The following SEZ6L2 variants were observed in gnomAD, a reference collection of about 807,000 sequenced individuals.
SEZ6L2 encodes the protein seizure 6-like protein 2.
A neutral mutation model predicts 97.0 loss-of-function variants in SEZ6L2; 44 were observed. The observed-to-expected ratio is 0.45, with a 90% CI of 0.36 to 0.58. SEZ6L2 has a LOEUF of 0.58. Ranked by LOEUF, SEZ6L2 falls within the 20% of genes least tolerant of loss-of-function variation. The probability of loss-of-function intolerance (pLI) is 0.00; values close to 1 mark genes in which losing one functional copy is unlikely to be tolerated. For missense variants in SEZ6L2, 1,086 were observed against 1,233.3 expected (o/e 0.88, Z 1.79); for synonymous variants, 543 against 546.1 (o/e 0.99, Z 0.08).
rs1361109526 is a variant in SEZ6L2, at chr16:29,895,798, G to T, written c.574C>A (p.Pro192Thr). 6.2e-7 allele frequency: 1 copy of T among 1,613,958 alleles called. No homozygotes were observed. Among genetic ancestry groups the T allele is most frequent in the Non-Finnish European group, 8.5e-7 (1 of 1,179,986 alleles). ...AGGAGCCCCAGGGTGCGGCTGACGG[G>T]GCTCCCCAGATCTGGAGACTCCACA... ...GYVESPDLGSPVSRTLGLLDC... is the reference protein window; with the variant it reads ...GYVESPDLGSTVSRTLGLLDC... Residue 192 changes from proline to threonine, a missense_variant, in exon 4 of 18, where the codon CCC (proline) becomes ACC (threonine). By Grantham distance (38) the Pro-to-Thr change is conservative. This residue lies in a region of SEZ6L2 where 776 missense variants were observed against 794.7 expected (regional missense o/e 0.98). Transcript: ENST00000617533.
At position 29,873,498 on chromosome 16, in the gene SEZ6L2, G is replaced by C; in HGVS notation, c.2296+40C>G. ...GCACGGGGCAGACGGGCTCTCCCAGGGCTACCCAGCCACCCTCCCAGGGTG... is the reference window on the plus strand; with the variant it reads ...GCACGGGGCAGACGGGCTCTCCCAGCGCTACCCAGCCACCCTCCCAGGGTG... On this transcript the variant is annotated intron_variant, in intron 13 of 17. Transcript: ENST00000617533. The surrounding 1 kb of genome is among the most constrained non-coding windows in gnomAD (Gnocchi z 4.3). 6.2e-7 allele frequency: 1 copy of C among 1,613,952 alleles called. No homozygotes were observed. The highest frequency in any genetic ancestry group is 1.1e-5 in the South Asian group (1 of 91,052).
chr16:29,886,891 C>T (rs1385732619), intron 7 of SEZ6L2, among the ~76,000 whole-genome samples: 2 of 152,026 alleles, frequency 1.3e-5, no homozygotes, highest in African/African-American at 4.8e-5. Flanking sequence ...CTAAGAAAGT[C>T]TTAGGACTGG....
chr16:29,880,048 G>T lies in SEZ6L2; in HGVS notation c.1389C>A (p.Arg463=). 3 of 1,614,182 alleles carry T rather than the reference G, an allele frequency of 1.9e-6. No individual in the cohort carries two copies. Among genetic ancestry groups the T allele is most frequent in the Non-Finnish European group, 2.5e-6 (3 of 1,180,028 alleles). Residue 463 remains arginine, a synonymous_variant, in exon 9 of 18, where the codon CGC becomes CGA. Transcript: ENST00000617533. ...CATGTGCCAGGAAGGGGGCGAAGCA[G>T]CGATCCTCCTCAAAGGCTGGGAAGG... The part of the protein sequence containing the change: ...SLRFEAFEED[R]CFAPFLAHGN...
intron 5 of SEZ6L2, among the ~76,000 whole-genome samples, chr16:29,891,619 C>G (rs964043847): frequency 2.6e-5 from 4 of 151,534 alleles, no homozygotes; most frequent in African/African-American, 9.7e-5. Context: ...CCAGCCTGGG[C>G]AGCAGAGTGA....
intron 8 of SEZ6L2, among the ~76,000 whole-genome samples, chr16:29,880,784 C>T (rs2068014719): frequency 6.7e-6 from 1 of 149,652 alleles, no homozygotes; most frequent in Non-Finnish European, 1.5e-5. Context: ...TTTTTAGAGA[C>T]AGGGTCTCAC....
chr16:29,872,615 T>TCATCCCTCCAAGGCCTGGCCTC, intron 15 of SEZ6L2, 89 bp from the exon 16 acceptor site: 1 of 1,596,984 alleles, frequency 6.3e-7, no homozygotes, highest in Non-Finnish European at 8.6e-7. Flanking sequence ...ACCCTGGGCT[T>TCATCCCTCCAAGGCCTGGCCTC]CATCCCTCCA....
chr16:29,892,876 C>T (rs1006530715), intron 5 of SEZ6L2, among the ~76,000 whole-genome samples: 4 of 152,102 alleles, frequency 2.6e-5, no homozygotes, highest in African/African-American at 7.2e-5. Flanking sequence ...GGAAGGTTCC[C>T]GCACACACAG....
intron 4 of SEZ6L2, 107 bp downstream of exon 4, chr16:29,895,614 C>A: frequency 6.9e-7 from 1 of 1,452,922 alleles, no homozygotes; most frequent in Non-Finnish European, 9.3e-7. Flanking sequence ...TTGAGGTCAC[C>A]TGAGTCATCA....
intron 7 of SEZ6L2, 64 bp downstream of exon 7, chr16:29,887,585 T>C: frequency 6.8e-7 from 1 of 1,481,360 alleles, no homozygotes; most frequent in Non-Finnish European, 9.1e-7. Context: ...GTACTGGGAT[T>C]ACAGGCATGA....
intron 14 of SEZ6L2, 74 bp from the exon 15 acceptor site, chr16:29,872,817 G>A (rs974814941): frequency 2.4e-5 from 30 of 1,268,264 alleles, no homozygotes; most frequent in Non-Finnish European, 3.0e-5. Context: ...CCGGGAGCCC[G>A]GTGGGGCTGG....
In SEZ6L2 at chr16:29,898,990, C is replaced by A; in HGVS notation, c.30G>T (p.Pro10=). ...GAATTAGGAACAGCAGCTGGGGAGG[C>A]GGCGGGTGCTGGGCCCTGGGAGTCC... MGTPRAQHP[P]PPQLLFLILL... is the part of the protein sequence containing the mutation. Residue 10 remains proline (P), a synonymous_variant, in exon 1 of 18, where the codon CCG becomes CCT. Transcript: ENST00000617533. 1 of 1,611,278 alleles carries A rather than the reference C, an allele frequency of 6.2e-7. No individual in the cohort carries two copies.
chr16:29,884,063 T>C (rs1276997802), intron 8 of SEZ6L2, among the ~76,000 whole-genome samples: 2 of 152,128 alleles, frequency 1.3e-5, no homozygotes, highest in East Asian at 3.9e-4. Context: ...GGCATCCCAA[T>C]TTTAATTTTG....
intron 4 of SEZ6L2, 112 bp from the exon 5 acceptor site, chr16:29,895,572 G>A: frequency 7.1e-7 from 1 of 1,414,126 alleles, no homozygotes; most frequent in Non-Finnish European, 9.6e-7. Flanking sequence ...GCACCACGCT[G>A]CTGCCCAAGT....
At chr16:29,889,614 CT>C (rs869108927) in intron 5 of SEZ6L2, among the ~76,000 whole-genome samples, 366 of 70,532 alleles carry the variant, frequency 5.2e-3, no homozygotes, top group South Asian at 0.01. Context: ...CTTGAAACTT[CT>C]TTTTTTTTTT....
chr16:29,873,461 C>A lies in SEZ6L2; in HGVS notation c.2297-30G>T. On this transcript the variant is annotated intron_variant, in intron 13 of 17. Coordinates refer to ENST00000617533, the MANE Select transcript of SEZ6L2 (RefSeq NM_001243332.2). The surrounding 1 kb of genome is among the most constrained non-coding windows in gnomAD (Gnocchi z 4.3). ...GGGGAGCATGCCAGTCACGTGCCAGCTGCACTACTGTGCACGGGGCAGACG... is the reference window on the plus strand; with the variant it reads ...GGGGAGCATGCCAGTCACGTGCCAGATGCACTACTGTGCACGGGGCAGACG... The A allele has an allele frequency of 6.2e-7, 1 of 1,614,014 alleles. No homozygotes were observed. Among genetic ancestry groups the A allele is most frequent in the Non-Finnish European group, 8.5e-7 (1 of 1,179,888 alleles).
intron 5 of SEZ6L2, among the ~76,000 whole-genome samples, chr16:29,893,405 G>C (rs945921355): frequency 2.6e-5 from 4 of 152,002 alleles, no homozygotes; most frequent in African/African-American, 9.7e-5. Flanking sequence ...CCAGCACTTT[G>C]GGAGGCCAAG....
At chr16:29,896,744 C>T in intron 3 of SEZ6L2, 78 bp downstream of exon 3, 1 of 1,326,336 alleles carries the variant, frequency 7.5e-7, no homozygotes, top group Non-Finnish European at 1.1e-6. Flanking sequence ...TCCACAGTTC[C>T]CAGCAGCCTC....
In SEZ6L2 at chr16:29,876,700, G is replaced by A. The variant is rs1284668409; in HGVS notation, c.2104+56C>T. ...GGGGGTCGGGACAGGACAGGCCGAC[G>A]ACGGGGCCCACAGGGAAGGGGCGGG... On this transcript the variant is annotated intron_variant, in intron 12 of 17. Transcript: ENST00000617533. The surrounding 1 kb of genome is among the most constrained non-coding windows in gnomAD (Gnocchi z 6.5). 2.1e-6 allele frequency: 3 copies of A among 1,460,276 alleles called. No individual in the cohort carries two copies. The highest frequency in any genetic ancestry group is 1.4e-5 in the African/African-American group (1 of 71,032). 90.5% of individuals were successfully genotyped at this position (1,460,276 alleles called of 1,614,324 possible). A position where few individuals can be genotyped will look rare whatever the true frequency, so the allele number is the denominator to read the frequency against.
At chr16:29,878,841 G>A (rs1039151955) in intron 9 of SEZ6L2, among the ~76,000 whole-genome samples, 3 of 145,630 alleles carry the variant, frequency 2.1e-5, no homozygotes, top group Admixed American at 7.2e-5. Flanking sequence ...TCCTGACCTC[G>A]TGATCTGCCC....
Sources: allele counts gnomAD v4.1 joint callset (sites outside exome capture counted in the v4.1 genomes callset), GRCh38; gene constraint gnomAD v4.1.1; regional missense constraint gnomAD v4.1.1; non-coding constraint Gnocchi (gnomAD v3.1); transcripts MANE v1.5; gene names NCBI Gene and HGNC (gene_info 2026-07-23, HGNC 2026-07-21).